The following RAB2B variants were observed in gnomAD, a reference collection of about 807,000 sequenced individuals.
The protein encoded by RAB2B is RAB2B, member RAS oncogene family.
In RAB2B, 20 loss-of-function variants were observed where a neutral mutation model predicts 29.8. That is an observed-to-expected ratio of 0.67 (90% CI 0.47 to 0.97). The LOEUF (loss-of-function observed/expected upper bound fraction) is 0.97. RAB2B is among the 50% of genes least tolerant of loss of function. The pLI, the probability that RAB2B is intolerant of heterozygous loss-of-function variation, is 0.00. For missense variants in RAB2B, 218 were observed against 272.0 expected (o/e 0.80, Z 1.40); for synonymous variants, 93 against 91.7 (o/e 1.01, Z -0.08).
In RAB2B at chr14:21,468,515, G is replaced by A. The variant is rs577221813; in HGVS notation, c.270-66C>T. ...TCAAAAGGCCAAAACAACTCCAAGC[G>A]TATACGAAAAGAGGGGAAGCCATAC... On this transcript the variant is annotated intron_variant, in intron 4 of 7. Coordinates refer to ENST00000397762, the MANE Select transcript of RAB2B (RefSeq NM_032846.4). The A allele has an allele frequency of 1.9e-5, 28 of 1,464,664 alleles. No homozygotes were observed. The East Asian group carries it at 2.0e-4, about 11-fold the overall frequency. The allele number at this position is 1,464,664 out of a possible 1,614,324, so 90.7% of individuals were successfully genotyped here. A position where few individuals can be genotyped will look rare whatever the true frequency, so the allele number is the denominator to read the frequency against.
At chr14:21,463,903 T>TTG in intron 5 of RAB2B, 136 bp from the exon 6 acceptor site, 1 of 605,058 alleles carries the variant, frequency 1.7e-6, no homozygotes, top group South Asian at 2.1e-5. Context: ...ATGATACTCT[T>TTG]ATACAGAGTT....
intron 3 of RAB2B, among the ~76,000 whole-genome samples, chr14:21,474,007 G>A (rs925392494): frequency 6.6e-5 from 10 of 151,838 alleles, no homozygotes; most frequent in African/African-American, 1.2e-4. Context: ...GTAAGACTCC[G>A]TCTCAGAAAA....
chr14:21,476,594 C>G lies in RAB2B; in HGVS notation c.52G>C (p.Gly18Arg). 1 of 1,613,678 alleles carries G rather than the reference C, an allele frequency of 6.2e-7. No homozygotes were observed. Among genetic ancestry groups the G allele is most frequent in the Non-Finnish European group, 8.5e-7 (1 of 1,179,984 alleles). ...AACTGCAGGAGGAGACATGACTTCC[C>G]CACACCTGAAAGAGAAAGCACACTC... The part of the protein sequence containing the change: ...KYIIIGDTGV[G>R]KSCLLLQFTD... The change falls in exon 2 of 8, where the codon GGG becomes CGG. Residue 18 changes from glycine (G) to arginine (R), a missense_variant. Physicochemically the swap from Gly to Arg is moderately radical, Grantham distance 125. Coordinates refer to ENST00000397762, the MANE Select transcript of RAB2B (RefSeq NM_032846.4).
intron 4 of RAB2B, 69 bp downstream of exon 4, chr14:21,468,601 T>TAAA: frequency 9.0e-7 from 1 of 1,109,898 alleles, no homozygotes; most frequent in Non-Finnish European, 1.2e-6. Flanking sequence ...AATCAGTAGA[T>TAAA]AGAAAAAAAA....
chr14:21,469,713 G>C (rs1474830522), intron 3 of RAB2B, among the ~76,000 whole-genome samples: 1 of 152,002 alleles, frequency 6.6e-6, no homozygotes, highest in Non-Finnish European at 1.5e-5. Context: ...ATAACAGGAG[G>C]TAAGACTATA....
At chr14:21,473,412 T>C (rs1890867731) in intron 3 of RAB2B, among the ~76,000 whole-genome samples, 1 of 152,180 alleles carries the variant, frequency 6.6e-6, no homozygotes. Context: ...TCAAATGAGA[T>C]AATGCACATG....
Position 21,474,952 on chromosome 14 carries a change from G to A in RAB2B, c.119-18C>T. On this transcript the variant is annotated intron_variant, in intron 2 of 7. Transcript: ENST00000397762. ...CTCCACACCTGTCGGTAAAGACCGA[G>A]AGAAAGAATGTGATTCTCACGAACA... is the stretch of plus-strand genomic sequence containing the variant. 1 of 1,610,620 alleles carries A rather than the reference G, an allele frequency of 6.2e-7. No homozygotes were observed. The highest frequency in any genetic ancestry group is 8.5e-7 in the Non-Finnish European group (1 of 1,176,924).
At chr14:21,466,148 G>C (rs1188427451) in intron 5 of RAB2B, among the ~76,000 whole-genome samples, 3 of 152,184 alleles carry the variant, frequency 2.0e-5, no homozygotes, top group African/African-American at 7.2e-5. Flanking sequence ...TGCAAACTCA[G>C]AATCTGGCAC....
intron 2 of RAB2B, among the ~76,000 whole-genome samples, chr14:21,475,912 C>T (rs1052712703): frequency 2.0e-5 from 3 of 152,154 alleles, no homozygotes; most frequent in African/African-American, 7.2e-5. Flanking sequence ...AAGCTAGTTT[C>T]ATATATGTTG....
intron 3 of RAB2B, among the ~76,000 whole-genome samples, chr14:21,469,868 C>T (rs1372164223): frequency 6.6e-6 from 1 of 151,864 alleles, no homozygotes; most frequent in Admixed American, 6.6e-5. Context: ...ATAAAATGTG[C>T]TACGAACTTT....
intron 5 of RAB2B, 119 bp downstream of exon 5, chr14:21,468,238 A>AT (rs1890728318): frequency 2.8e-5 from 20 of 715,996 alleles, no homozygotes; most frequent in South Asian, 5.7e-5. Context: ...ATCACAACAA[A>AT]ATTTTTTTTT....
rs71419137 is a variant in RAB2B, at chr14:21,471,615, CA to C, written c.187-2864del. On this transcript the variant is annotated intron_variant, in intron 3 of 7. Transcript: ENST00000397762. The stretch of plus-strand genomic sequence containing the variant: ...CTTGGGTGACAGAGCAAGACCCTGT[CA>C]AAAAAAAAAAAAAAAGAAAAGAAAA... Among the ~76,000 whole-genome samples, 510 of 64,338 alleles carry C rather than the reference CA, an allele frequency of 7.9e-3. 1 individual carries two copies. Among genetic ancestry groups the C allele is most frequent in the African/African-American group, 0.023 (372 of 16,314 alleles). The allele number at this position is 64,338 out of a possible 152,430, so 42.2% of individuals were successfully genotyped here. A position where few individuals can be genotyped will look rare whatever the true frequency, so the allele number is the denominator to read the frequency against.
chr14:21,468,549 A>G lies in RAB2B; in HGVS notation c.270-100T>C. ...AAGAGGGGAAGCCATACGTGTAAAG[A>G]AAAATATTAGAGAGGCCATTCCTAG... On this transcript the variant is annotated intron_variant, in intron 4 of 7. Transcript: ENST00000397762. 3.7e-6 allele frequency: 5 copies of G among 1,336,524 alleles called. No homozygotes were observed. The South Asian group carries it at 6.1e-5, about 16-fold the overall frequency. The allele number at this position is 1,336,524 out of a possible 1,614,324, so 82.8% of individuals were successfully genotyped here. A position where few individuals can be genotyped will look rare whatever the true frequency, so the allele number is the denominator to read the frequency against.
rs1202953329 is a variant in RAB2B, at chr14:21,460,172, G to A, written c.*1024C>T. The stretch of plus-strand genomic sequence containing the variant: ...AAGGCAAGGAAGAAAAAAACTCAAT[G>A]AAATTCCGAGGCAGAGGATCTATCA... On this transcript the variant is annotated 3_prime_UTR_variant, in exon 8 of 8. Transcript: ENST00000397762. 1.9e-6 allele frequency: 1 copy of A among 518,848 alleles called. No homozygotes were observed. Among genetic ancestry groups the A allele is most frequent in the Non-Finnish European group, 3.8e-6 (1 of 259,868 alleles). The allele number at this position is 518,848 out of a possible 1,614,324, so 32.1% of individuals were successfully genotyped here. A position where few individuals can be genotyped will look rare whatever the true frequency, so the allele number is the denominator to read the frequency against.
At position 21,461,171 on chromosome 14, in the gene RAB2B, G is replaced by A. The variant is rs1890545682; in HGVS notation, c.*25C>T. ...ATTGATCTGAAGCTATTCCAGGAAG[G>A]ACAAAAAAAGTTCAAGCCAGATGTT... is the stretch of plus-strand genomic sequence containing the variant. On this transcript the variant is annotated 3_prime_UTR_variant, in exon 8 of 8. Coordinates refer to ENST00000397762, the MANE Select transcript of RAB2B (RefSeq NM_032846.4). The A allele has an allele frequency of 6.5e-7, 1 of 1,531,352 alleles. No homozygotes were observed. Among genetic ancestry groups the A allele is most frequent in the Non-Finnish European group, 9.0e-7 (1 of 1,110,656 alleles). The allele number at this position is 1,531,352 out of a possible 1,614,324, so 94.9% of individuals were successfully genotyped here. A position where few individuals can be genotyped will look rare whatever the true frequency, so the allele number is the denominator to read the frequency against.
chr14:21,469,546 A>C (rs1376297611), intron 3 of RAB2B, among the ~76,000 whole-genome samples: 1 of 152,216 alleles, frequency 6.6e-6, no homozygotes, highest in East Asian at 1.9e-4. Flanking sequence ...TGCCCCCATA[A>C]TACTGGGTAC....
intron 5 of RAB2B, among the ~76,000 whole-genome samples, chr14:21,467,057 C>T (rs1297585257): frequency 1.3e-5 from 2 of 152,142 alleles, no homozygotes; most frequent in Non-Finnish European, 2.9e-5. Context: ...GAGGTGCGTG[C>T]CACCACGCCT....
At chr14:21,476,481 G>C (rs756079422) in intron 2 of RAB2B, 47 bp downstream of exon 2, 1 of 1,609,244 alleles carries the variant, frequency 6.2e-7, no homozygotes, top group East Asian at 2.2e-5. Context: ...TAGCAATTTA[G>C]CTAGTCAGGT....
intron 3 of RAB2B, 96 bp downstream of exon 3, chr14:21,474,771 A>C (rs571814066): frequency 2.1e-6 from 2 of 957,238 alleles, no homozygotes; most frequent in South Asian, 1.3e-5. Flanking sequence ...CTTTATCCCC[A>C]CCATTAGTTC....
Sources: allele counts gnomAD v4.1 joint callset (sites outside exome capture counted in the v4.1 genomes callset), GRCh38; gene constraint gnomAD v4.1.1; transcripts MANE v1.5; gene names NCBI Gene and HGNC (gene_info 2026-07-23, HGNC 2026-07-21).